Variants in PGM1 observed in about 807,000 individuals in gnomAD.
The protein encoded by PGM1 is phosphoglucomutase-1.
Under a neutral mutation model 55.6 loss-of-function variants are expected in PGM1, and 52 were observed. That is an observed-to-expected ratio of 0.94 (90% CI 0.75 to 1.18). The LOEUF is 1.18. PGM1 is among the 50% of genes most tolerant of loss of function. The probability of loss-of-function intolerance (pLI) is 0.00; values close to 1 mark genes in which losing one functional copy is unlikely to be tolerated. For missense variants in PGM1, 724 were observed against 729.3 expected (o/e 0.99, Z 0.08); for synonymous variants, 287 against 271.7 (o/e 1.06, Z -0.55).
At chr1:63,623,819 G>A (rs1648952106) in intron 1 of PGM1, 9 of 1,214,346 alleles carry the variant, frequency 7.4e-6, no homozygotes, top group Non-Finnish European at 1.1e-5. Flanking sequence ...TAATTTTACA[G>A]AAGTATACAA....
rs548315514 is a variant in PGM1 at position 63,595,823 on chromosome 1, G to A, written c.246+2089G>A. 2.0e-5 allele frequency among the ~76,000 whole-genome samples: 3 copies of A among 152,132 alleles called. No individual in the cohort carries two copies. In the South Asian group the frequency reaches 6.2e-4, roughly 32 times the overall value. ...GTCCATTTGGGAGTAGTGTGGGGTG[G>A]GAAGGAAAGAATTAGTTAAGACTAA... On this transcript the variant is annotated intron_variant, in intron 1 of 10. Coordinates refer to ENST00000371084, the MANE Select transcript of PGM1 (RefSeq NM_002633.3).
chr1:63,648,218 T>C lies in PGM1; in HGVS notation c.1145-299T>C, dbSNP rs855330. 0.37 allele frequency among the ~76,000 whole-genome samples: 55,705 copies of C among 151,982 alleles called. 12,269 individuals are homozygous for C. Among genetic ancestry groups the C allele is most frequent in the African/African-American group, 0.61 (25,440 of 41,442 alleles). On this transcript the variant is annotated intron_variant, in intron 7 of 10. Coordinates refer to ENST00000371084, the MANE Select transcript of PGM1 (RefSeq NM_002633.3). ...ACCATGGCTGGGAGGCCTCAGGAAA[T>C]GTACAATCATGGCAGAACAATGAAG...
At chr1:63,628,314 GT>G (rs1649093101) in intron 1 of PGM1, among the ~76,000 whole-genome samples, 1 of 152,198 alleles carries the variant, frequency 6.6e-6, no homozygotes, top group South Asian at 2.1e-4. Context: ...AACAAAAATT[GT>G]TCGGAGATTG....
At chr1:63,597,935 T>TCCTTTGCA (rs1487936258) in intron 1 of PGM1, among the ~76,000 whole-genome samples, 2 of 152,194 alleles carry the variant, frequency 1.3e-5, no homozygotes, top group Non-Finnish European at 2.9e-5. Context: ...CCTTTGCTAC[T>TCCTTTGCA]CATTTGTGCA....
Position 63,654,444 on chromosome 1 carries a change from C to G in PGM1, c.1577C>G (p.Ala526Gly), listed in dbSNP as rs757573887. 4 of 1,613,908 alleles carry G rather than the reference C, an allele frequency of 2.5e-6. No homozygotes were observed. The highest frequency in any genetic ancestry group is 3.4e-6 in the Non-Finnish European group (4 of 1,179,920). ...ATCGATAGCTATGAGAAGGACGTTG[C>G]CAAGATTAACCAGGACCCCCAGGTA... ...LYIDSYEKDV[A>G]KINQDPQVML... Residue 526 changes from alanine to glycine, a missense_variant, in exon 10 of 11, where the codon GCC (alanine) becomes GGC (glycine). Around this residue, in one of 3 missense-constraint regions of PGM1, gnomAD observed 316 missense variants for 313.1 expected, o/e 1.01. Transcript: ENST00000371084.
chr1:63,643,275 C>G (rs1461129189), intron 7 of PGM1, among the ~76,000 whole-genome samples: 1 of 152,222 alleles, frequency 6.6e-6, no homozygotes, highest in Non-Finnish European at 1.5e-5. Flanking sequence ...ACCTGTATGT[C>G]TGTGCTCATC....
chr1:63,652,091 C>T (rs1649825614), intron 9 of PGM1, among the ~76,000 whole-genome samples: 1 of 152,108 alleles, frequency 6.6e-6, no homozygotes, highest in Non-Finnish European at 1.5e-5. Context: ...GGATTCTTAA[C>T]CTGGACTCCA....
At chr1:63,600,249 C>G (rs1648204245) in intron 1 of PGM1, 1 of 152,160 alleles carries the variant, frequency 6.6e-6, no homozygotes, top group South Asian at 2.1e-4. Context: ...TCTTTCTTGG[C>G]TTCACTAATG....
chr1:63,630,827 G>A (rs1232872603), intron 3 of PGM1, among the ~76,000 whole-genome samples: 1 of 152,192 alleles, frequency 6.6e-6, no homozygotes, highest in East Asian at 1.9e-4. Flanking sequence ...CTTCTGGATT[G>A]CAACTTTATG....
chr1:63,615,154 A>G (rs1383399256), intron 1 of PGM1, among the ~76,000 whole-genome samples: 2 of 152,200 alleles, frequency 1.3e-5, no homozygotes, highest in Admixed American at 1.3e-4. Flanking sequence ...AACCCATTGC[A>G]TCTATGCCCT....
intron 10 of PGM1, 138 bp from the exon 11 acceptor site, chr1:63,659,448 A>C: frequency 1.4e-6 from 1 of 726,816 alleles, no homozygotes; most frequent in East Asian, 2.6e-5. Flanking sequence ...GGGGGAAATA[A>C]CATGTGTTTG....
chr1:63,659,869 C>T lies in PGM1; in HGVS notation c.*194C>T. ...CTTGGGAGCTGTGAGGGAAAGAGGA[C>T]CTGCGGGCTTAGATCAATCTCAATT... On this transcript the variant is annotated 3_prime_UTR_variant, in exon 11 of 11. Coordinates refer to ENST00000371084, the MANE Select transcript of PGM1 (RefSeq NM_002633.3). The T allele has an allele frequency of 1.5e-6, 1 of 651,128 alleles. No homozygotes were observed. The highest frequency in any genetic ancestry group is 2.8e-6 in the Non-Finnish European group (1 of 356,180). 40.3% of individuals were successfully genotyped at this position (651,128 alleles called of 1,614,324 possible).
At chr1:63,644,749 G>T (rs1649607622) in intron 7 of PGM1, among the ~76,000 whole-genome samples, 1 of 152,316 alleles carries the variant, frequency 6.6e-6, no homozygotes, top group East Asian at 1.9e-4. Flanking sequence ...AAGAAACTGA[G>T]GCTCAGAAAA....
rs188268750 is a variant in PGM1 at position 63,607,419 on chromosome 1, A to G, written c.246+13685A>G. ...GGAAGATTGACACATGCAAAACCAG[A>G]CAGTAACCATTAGGTATTATAAAAG... On this transcript the variant is annotated intron_variant, in intron 1 of 10. Transcript: ENST00000371084. 7.0e-4 allele frequency among the ~76,000 whole-genome samples: 107 copies of G among 152,310 alleles called. 1 individual carries two copies. The highest frequency in any genetic ancestry group is 2.5e-3 in the Admixed American group (39 of 15,302).
chr1:63,598,232 G>A (rs556038625), intron 1 of PGM1, among the ~76,000 whole-genome samples: 1 of 152,252 alleles, frequency 6.6e-6, no homozygotes, highest in East Asian at 1.9e-4. Context: ...CCTCGGCCTT[G>A]CCTCCCAAAG....
chr1:63,657,487 C>T (rs6670731), intron 10 of PGM1, among the ~76,000 whole-genome samples: 43,550 of 152,072 alleles, frequency 0.29, 6,452 homozygotes, highest in African/African-American at 0.37. Context: ...TTTAGTCTAA[C>T]TTTAAGTGTA....
intron 6 of PGM1, 53 bp downstream of exon 6, chr1:63,636,441 C>T (rs1333933269): frequency 3.2e-5 from 50 of 1,559,738 alleles, no homozygotes; most frequent in Non-Finnish European, 4.2e-5. Flanking sequence ...CCAGTCTTCA[C>T]CATACCCTTC....
rs149762478 is a variant in PGM1, at chr1:63,607,326, G to A, written c.246+13592G>A. On this transcript the variant is annotated intron_variant, in intron 1 of 10. Coordinates refer to ENST00000371084, the MANE Select transcript of PGM1 (RefSeq NM_002633.3). ...AGTGGAATTAGTATCCCATGCTTCT[G>A]TGTGCCTTGTCCTGAGCATGGGAGG... Among the ~76,000 whole-genome samples, 111 of 152,334 alleles carry A rather than the reference G, an allele frequency of 7.3e-4. 1 individual carries two copies. The highest frequency in any genetic ancestry group is 1.5e-3 in the Non-Finnish European group (102 of 68,030).
intron 1 of PGM1, among the ~76,000 whole-genome samples, chr1:63,600,794 C>T (rs1648220811): frequency 6.6e-6 from 1 of 152,070 alleles, no homozygotes. Flanking sequence ...AATTATGCCT[C>T]AGGTAAATAA....
Sources: allele counts gnomAD v4.1 joint callset (sites outside exome capture counted in the v4.1 genomes callset), GRCh38; gene constraint gnomAD v4.1.1; regional missense constraint gnomAD v4.1.1; transcripts MANE v1.5; gene names NCBI Gene and HGNC (gene_info 2026-07-23, HGNC 2026-07-21).